The following EML5 variants were observed in gnomAD, a reference collection of about 807,000 sequenced individuals.
EML5 encodes EMAP like 5.
EML5 carries 120 observed loss-of-function variants against 250.0 expected under a neutral mutation model. That is an observed-to-expected ratio of 0.48 (90% CI 0.41 to 0.56). The LOEUF is 0.56. EML5 is among the 20% of genes least tolerant of loss of function. EML5 has a pLI of 0.00. For synonymous variants in EML5, 771 were observed against 806.5 expected (o/e 0.96, Z 0.75); for missense variants, 2,006 against 2,437.6 (o/e 0.82, Z 3.73).
At chr14:88,616,610 T>G in intron 42 of EML5, 116 bp downstream of exon 42, 1 of 1,077,310 alleles carries the variant, frequency 9.3e-7, no homozygotes, top group Non-Finnish European at 1.3e-6. Context: ...TTTAGAAAGT[T>G]TGGGGAAAAA....
At position 88,685,108 on chromosome 14, in the gene EML5, G is replaced by C; in HGVS notation, c.2889C>G (p.Ala963=). 6.2e-7 allele frequency: 1 copy of C among 1,606,604 alleles called. No homozygotes were observed. Among genetic ancestry groups the C allele is most frequent in the Non-Finnish European group, 8.5e-7 (1 of 1,176,334 alleles). ...LLLEDNPSIR[A]ISLGHGHILV... Reference sequence around the variant, plus strand: ...AAATATGACCATGTCCTAATGATATGGCACGTATAGATGGATTATCTTCCA... The same window carrying C: ...AAATATGACCATGTCCTAATGATATCGCACGTATAGATGGATTATCTTCCA... Residue 963 remains alanine (A), a synonymous_variant, in exon 20 of 44, where the codon GCC becomes GCG. Coordinates refer to ENST00000554922, the MANE Select transcript of EML5 (RefSeq NM_183387.3).
At chr14:88,617,123 T>G in intron 41 of EML5, 1 of 330,874 alleles carries the variant, frequency 3.0e-6, no homozygotes, top group Non-Finnish European at 5.5e-6. Flanking sequence ...AAGTAGTACT[T>G]TATGAAAACT....
In EML5 at chr14:88,613,452, CAA is replaced by C. The variant is rs1357228820; in HGVS notation, c.*2364_*2365del. On this transcript the variant is annotated 3_prime_UTR_variant, in exon 44 of 44. Transcript: ENST00000554922. ...TATAAATTATAGAACAAATGGGAAACAAGGGTTTAATTTAGTTCAGCCATTTT... is the reference window on the plus strand; with the variant it reads ...TATAAATTATAGAACAAATGGGAAACGGGTTTAATTTAGTTCAGCCATTTT... 1 of 151,968 alleles carries C rather than the reference CAA, an allele frequency of 6.6e-6. No individual in the cohort carries two copies. The highest frequency in any genetic ancestry group is 2.4e-5 in the African/African-American group (1 of 41,374). The allele number at this position is 151,968 out of a possible 1,614,324, so 9.4% of individuals were successfully genotyped here.
intron 35 of EML5, chr14:88,625,566 TA>T: frequency 6.4e-6 from 1 of 156,044 alleles, no homozygotes. Context: ...CACGCCCGGC[TA>T]ATTTTTGTAT....
At chr14:88,786,352 C>T (rs2094551056) in intron 1 of EML5, among the ~76,000 whole-genome samples, 1 of 152,154 alleles carries the variant, frequency 6.6e-6, no homozygotes, top group African/African-American at 2.4e-5. Flanking sequence ...TGTGTCTCCC[C>T]ACCCAGTAGA....
chr14:88,665,577 A>G (rs765025747), intron 21 of EML5, 88 bp from the exon 22 acceptor site: 271 of 1,556,624 alleles, frequency 1.7e-4, no homozygotes, highest in East Asian at 2.5e-4. Flanking sequence ...CTATAATCCA[A>G]GCACTCTGGG....
chr14:88,706,517 C>T (rs1307828975), intron 10 of EML5, 91 bp from the exon 11 acceptor site: 2 of 947,714 alleles, frequency 2.1e-6, no homozygotes, highest in Admixed American at 7.3e-5. Context: ...CTGTATCATC[C>T]TTCTATCTGA....
chr14:88,647,324 C>T (rs546433032), intron 28 of EML5, among the ~76,000 whole-genome samples: 1 of 151,822 alleles, frequency 6.6e-6, no homozygotes, highest in East Asian at 1.9e-4. Flanking sequence ...AGACTGCATG[C>T]GCCACTGCAC....
chr14:88,644,291 A>G (rs1374105892), intron 30 of EML5, 142 bp downstream of exon 30: 3 of 672,920 alleles, frequency 4.5e-6, no homozygotes, highest in Non-Finnish European at 7.4e-6. Flanking sequence ...TCCAAAACTC[A>G]GACTTACATA....
chr14:88,642,529 A>G (rs2091120635), intron 31 of EML5, among the ~76,000 whole-genome samples: 1 of 152,156 alleles, frequency 6.6e-6, no homozygotes, highest in Non-Finnish European at 1.5e-5. Context: ...TTCAATCACT[A>G]TCAGAAACCA....
chr14:88,740,993 T>C (rs1049243549), intron 4 of EML5, among the ~76,000 whole-genome samples: 2 of 152,056 alleles, frequency 1.3e-5, no homozygotes, highest in Non-Finnish European at 2.9e-5. Flanking sequence ...CGAAGTCCCA[T>C]CTCTGCTAAA....
At chr14:88,762,251 C>T in intron 1 of EML5, among the ~76,000 whole-genome samples, 1 of 152,164 alleles carries the variant, frequency 6.6e-6, no homozygotes, top group East Asian at 1.9e-4. Context: ...TGGCTCACAC[C>T]TGTAATCCCA....
intron 2 of EML5, among the ~76,000 whole-genome samples, chr14:88,749,187 C>CA (rs958502132): frequency 6.6e-6 from 1 of 151,892 alleles, no homozygotes; most frequent in Non-Finnish European, 1.5e-5. Flanking sequence ...AGCAGCCAGA[C>CA]AAAAAAGGAC....
At chr14:88,758,183 C>CAT in intron 1 of EML5, among the ~76,000 whole-genome samples, 1 of 151,096 alleles carries the variant, frequency 6.6e-6, no homozygotes, top group Non-Finnish European at 1.5e-5. Context: ...CATATATATA[C>CAT]ATATATATGT....
chr14:88,740,652 T>C (rs2093911313), intron 4 of EML5, 80 bp from the exon 5 acceptor site: 1 of 1,266,028 alleles, frequency 7.9e-7, no homozygotes, highest in Admixed American at 2.3e-5. Context: ...TTTGATGCTA[T>C]ATTAGAGCAG....
At position 88,687,325 on chromosome 14, in the gene EML5, C is replaced by T. The variant is rs775589897; in HGVS notation, c.2745G>A (p.Gly915=). The T allele has an allele frequency of 3.8e-6, 6 of 1,581,544 alleles. No individual in the cohort carries two copies. Among genetic ancestry groups the T allele is most frequent in the Admixed American group, 1.9e-5 (1 of 51,342 alleles). The change falls in exon 19 of 44, where the codon GGG becomes GGA. Residue 915 remains glycine (G), a splice_region_variant and synonymous_variant. Coordinates refer to ENST00000554922, the MANE Select transcript of EML5 (RefSeq NM_183387.3). ...PVFSMHALEK[G]FVTGGKDGIV... ...TACCATCTTTTCCTCCAGTTACAAA[C>T]CCCTATGGAAAAAAAAAGGTTCAAG...
At chr14:88,742,456 C>G (rs1364052204) in intron 4 of EML5, among the ~76,000 whole-genome samples, 1 of 152,062 alleles carries the variant, frequency 6.6e-6, no homozygotes, top group African/African-American at 2.4e-5. Context: ...GCAAAGAGAA[C>G]TATGTTACTA....
intron 30 of EML5, 103 bp downstream of exon 30, chr14:88,644,330 C>T: frequency 4.8e-6 from 5 of 1,042,682 alleles, no homozygotes; most frequent in Non-Finnish European, 5.6e-6. Context: ...AAACAGTACT[C>T]AAATACACTG....
At chr14:88,738,756 G>A (rs2093882846) in intron 6 of EML5, 123 bp downstream of exon 6, 1 of 1,184,224 alleles carries the variant, frequency 8.4e-7, no homozygotes, top group Non-Finnish European at 1.2e-6. Flanking sequence ...CATACAGGGT[G>A]AAGAGGCAAA....
Sources: allele counts gnomAD v4.1 joint callset (sites outside exome capture counted in the v4.1 genomes callset), GRCh38; gene constraint gnomAD v4.1.1; transcripts MANE v1.5; gene names NCBI Gene and HGNC (gene_info 2026-07-23, HGNC 2026-07-21).